NADSYN1: variants seen among roughly 807,000 people sequenced by gnomAD.
NADSYN1 encodes the protein NAD synthetase 1, also known as glutamine-dependent NAD(+) synthetase.
A neutral mutation model predicts 99.3 loss-of-function variants in NADSYN1; 80 were observed. The observed-to-expected ratio is 0.81, with a 90% confidence interval of 0.67 to 0.97. The LOEUF is 0.97. Ranked by LOEUF, NADSYN1 falls within the 50% of genes least tolerant of loss-of-function variation. NADSYN1 has a pLI of 0.00. For synonymous variants in NADSYN1, 385 were observed against 372.1 expected (o/e 1.03, Z -0.40); for missense variants, 859 against 948.5 (o/e 0.91, Z 1.24).
intron 16 of NADSYN1, among the ~76,000 whole-genome samples, chr11:71,486,460 C>T (rs1347130773): frequency 1.3e-5 from 2 of 151,830 alleles, no homozygotes; most frequent in Admixed American, 6.6e-5. Flanking sequence ...TCTGTCTGTC[C>T]ATCCACCCAC....
Position 71,482,710 on chromosome 11 carries a change from G to T in NADSYN1, c.1151-139G>T. 2.5e-6 allele frequency: 2 copies of T among 798,256 alleles called. 1 individual carries two copies. Among genetic ancestry groups the T allele is most frequent in the Non-Finnish European group, 3.9e-6 (2 of 508,016 alleles). The allele number at this position is 798,256 out of a possible 1,614,324, so 49.4% of individuals were successfully genotyped here. The stretch of plus-strand genomic sequence containing the variant: ...ACAGGCACCTGGGGGTGTAGACCGG[G>T]GTGGAGCCGCACAGGCACCTGGGGG... On this transcript the variant is annotated intron_variant, in intron 13 of 20. Coordinates refer to ENST00000319023, the MANE Select transcript of NADSYN1 (RefSeq NM_018161.5).
Position 71,481,985 on chromosome 11 carries a change from C to T in NADSYN1, c.1110C>T (p.Tyr370=), listed in dbSNP as rs1480675623. The T allele has an allele frequency of 2.5e-6, 4 of 1,612,422 alleles. No individual in the cohort carries two copies. The highest frequency in any genetic ancestry group is 3.4e-6 in the Non-Finnish European group (4 of 1,179,270). Residue 370 remains tyrosine (Y), a synonymous_variant, in exon 13 of 21, where the codon TAC becomes TAT. Coordinates refer to ENST00000319023, the MANE Select transcript of NADSYN1 (RefSeq NM_018161.5). ...VDSAATACLI[Y]SMCCQVCEAV... ...GCGCAGCCACCGCCTGCCTCATCTA[C>T]TCCATGTGCTGCCAGGTCTGCGAGG...
intron 1 of NADSYN1, 50 bp from the exon 2 acceptor site, chr11:71,455,060 T>A: frequency 7.2e-7 from 1 of 1,388,004 alleles, no homozygotes; most frequent in Non-Finnish European, 1.0e-6. Flanking sequence ...TGTCTTTGAG[T>A]GTATAGGTGC....
chr11:71,485,701 C>T lies in NADSYN1; in HGVS notation c.1562+53C>T. 6 of 1,335,322 alleles carry T rather than the reference C, an allele frequency of 4.5e-6. No individual in the cohort carries two copies. The South Asian group carries it at 7.9e-5, about 18-fold the overall frequency. The allele number at this position is 1,335,322 out of a possible 1,614,324, so 82.7% of individuals were successfully genotyped here. ...GTGGGCCCCTGAACCTCTCAGGTCT[C>T]TGAAGGTGATACGCTGTGAGATTCT... On this transcript the variant is annotated intron_variant, in intron 16 of 20. Coordinates refer to ENST00000319023, the MANE Select transcript of NADSYN1 (RefSeq NM_018161.5).
At chr11:71,498,776 C>G in intron 20 of NADSYN1, 1 of 376,230 alleles carries the variant, frequency 2.7e-6, no homozygotes, top group Non-Finnish European at 4.9e-6. Flanking sequence ...AGTGGAATGG[C>G]TAAGTCAAGC....
At chr11:71,467,734 A>G (rs1182110964) in intron 5 of NADSYN1, among the ~76,000 whole-genome samples, 1 of 152,240 alleles carries the variant, frequency 6.6e-6, no homozygotes, top group Non-Finnish European at 1.5e-5. Flanking sequence ...GAAAAGGGTG[A>G]AAGTGGATAA....
chr11:71,481,257 C>T (rs1194117294), intron 11 of NADSYN1, 99 bp from the exon 12 acceptor site: 2 of 1,250,752 alleles, frequency 1.6e-6, no homozygotes, highest in African/African-American at 3.0e-5. Context: ...CCAGCGTTGA[C>T]TCTGGCACTG....
rs1006976677 is a variant in NADSYN1, at chr11:71,482,901, C to A, written c.1203C>A (p.Thr401=). ...VRTIVNQISY[T]PQDPRDLCGR... Reference sequence around the variant, plus strand: ...CCATCGTGAACCAGATCAGCTACACCCCCCAGGATCCCCGAGACCTCTGTG... The same window carrying A: ...CCATCGTGAACCAGATCAGCTACACACCCCAGGATCCCCGAGACCTCTGTG... Residue 401 remains threonine, a synonymous_variant, in exon 14 of 21, where the codon ACC becomes ACA. Coordinates refer to ENST00000319023, the MANE Select transcript of NADSYN1 (RefSeq NM_018161.5). 1.2e-6 allele frequency: 2 copies of A among 1,613,094 alleles called. No individual in the cohort carries two copies. Among genetic ancestry groups the A allele is most frequent in the Non-Finnish European group, 8.5e-7 (1 of 1,179,640 alleles).
chr11:71,489,078 T>G, intron 16 of NADSYN1, among the ~76,000 whole-genome samples: 3 of 150,068 alleles, frequency 2.0e-5, no homozygotes, highest in Non-Finnish European at 1.5e-5. Flanking sequence ...GAGGGGAGAG[T>G]GAAGCCAGCC....
At chr11:71,455,278 A>G in intron 2 of NADSYN1, 108 bp downstream of exon 2, 1 of 935,846 alleles carries the variant, frequency 1.1e-6, no homozygotes, top group Non-Finnish European at 1.7e-6. Flanking sequence ...AGAGCTGTGG[A>G]CACGCCACAC....
intron 9 of NADSYN1, 120 bp from the exon 10 acceptor site, chr11:71,478,275 A>G: frequency 1.2e-6 from 1 of 800,134 alleles, no homozygotes; most frequent in Non-Finnish European, 2.1e-6. Context: ...GGCCTCCAGG[A>G]ATCCAGGGTC....
At chr11:71,500,855 G>GGGTCCCTGA (rs1949852309) in intron 20 of NADSYN1, among the ~76,000 whole-genome samples, 2 of 152,186 alleles carry the variant, frequency 1.3e-5, no homozygotes, top group South Asian at 4.1e-4. Flanking sequence ...AGTGTCCCTG[G>GGGTCCCTGA]GTCACCAGGC....
intron 16 of NADSYN1, among the ~76,000 whole-genome samples, chr11:71,488,395 C>T (rs911150558): frequency 2.0e-5 from 3 of 151,980 alleles, no homozygotes; most frequent in Middle Eastern, 3.4e-3. Context: ...CTGCGGGAGG[C>T]GAGGGTGGGT....
chr11:71,471,128 T>C (rs1398651109), intron 5 of NADSYN1, among the ~76,000 whole-genome samples: 1 of 152,184 alleles, frequency 6.6e-6, no homozygotes, highest in African/African-American at 2.4e-5. Flanking sequence ...TGTTCCTTCT[T>C]CCCCGTTCGT....
intron 6 of NADSYN1, 60 bp downstream of exon 6, chr11:71,472,560 T>C: frequency 1.4e-6 from 2 of 1,467,164 alleles, no homozygotes; most frequent in South Asian, 1.1e-5. Context: ...CGGCCAACAG[T>C]GGACCAGGTG....
chr11:71,490,778 G>A, intron 16 of NADSYN1, 67 bp from the exon 17 acceptor site: 1 of 1,581,642 alleles, frequency 6.3e-7, no homozygotes, highest in Admixed American at 1.8e-5. Flanking sequence ...GCGACTCCCT[G>A]GCTGGCCAGG....
intron 16 of NADSYN1, among the ~76,000 whole-genome samples, chr11:71,489,902 G>A (rs1211558546): frequency 6.6e-6 from 1 of 152,216 alleles, no homozygotes; most frequent in Non-Finnish European, 1.5e-5. Flanking sequence ...GCCTGGCCTG[G>A]TATGGAGGAG....
chr11:71,475,356 G>A (rs368133028), intron 9 of NADSYN1: 38 of 153,088 alleles, frequency 2.5e-4, no homozygotes, highest in African/African-American at 8.9e-4. Flanking sequence ...AGCTGCGTGA[G>A]GGAGGGCCCT....
At chr11:71,485,472 T>G in intron 15 of NADSYN1, 70 bp from the exon 16 acceptor site, 1 of 1,190,680 alleles carries the variant, frequency 8.4e-7, no homozygotes, top group Non-Finnish European at 1.2e-6. Flanking sequence ...TTTTCAAGAG[T>G]TTGTGGGTGT....
Sources: gnomAD v4.1 joint callset for allele counts (sites outside exome capture counted in the v4.1 genomes callset) on GRCh38, gnomAD v4.1.1 for gene constraint, MANE v1.5 for transcripts, NCBI Gene and HGNC (gene_info 2026-07-23, HGNC 2026-07-21) for gene names.